CHST9: variants seen among roughly 807,000 people sequenced by gnomAD.
CHST9 encodes the protein carbohydrate sulfotransferase 9, also known as GalNAc-4-sulfotransferase 2.
In CHST9, 41 loss-of-function variants were observed where a neutral mutation model predicts 44.4. That is an observed-to-expected ratio of 0.92 (90% CI 0.72 to 1.20). The LOEUF (loss-of-function observed/expected upper bound fraction) is 1.20, where lower values mean the gene tolerates loss of function less well. Among genes scored for constraint, CHST9 ranks in the 50% most tolerant of loss-of-function variants. The pLI is 0.00. For synonymous variants in CHST9, 171 were observed against 178.4 expected, an observed-to-expected ratio of 0.96 and a Z score of 0.33; for missense variants, 504 against 516.5, an observed-to-expected ratio of 0.98 and a Z score of 0.23.
chr18:27,054,530 T>C (rs1160629196), intron 2 of CHST9, among the ~76,000 whole-genome samples: 1 of 152,184 alleles, frequency 6.6e-6, no homozygotes, highest in Non-Finnish European at 1.5e-5. Context: ...TCATGACTAT[T>C]TATCTATGTA....
intron 1 of CHST9, among the ~76,000 whole-genome samples, chr18:27,154,926 T>C (rs1254299735): frequency 6.6e-6 from 1 of 151,644 alleles, no homozygotes; most frequent in Non-Finnish European, 1.5e-5. Flanking sequence ...CTACTAAAAA[T>C]ACAAAAATTA....
chr18:27,148,024 C>A (rs1469382359), intron 1 of CHST9, among the ~76,000 whole-genome samples: 1 of 152,034 alleles, frequency 6.6e-6, no homozygotes, highest in East Asian at 1.9e-4. Context: ...CCAAATTCCA[C>A]CCTCTGATAG....
intron 1 of CHST9, among the ~76,000 whole-genome samples, chr18:27,177,608 C>G (rs1370003896): frequency 1.3e-5 from 2 of 151,920 alleles, no homozygotes; most frequent in Non-Finnish European, 2.9e-5. Flanking sequence ...TCTAACAGAG[C>G]CTTCTGAAAT....
intron 4 of CHST9, among the ~76,000 whole-genome samples, chr18:26,961,575 T>A (rs1447699819): frequency 6.6e-6 from 1 of 152,034 alleles, no homozygotes; most frequent in Non-Finnish European, 1.5e-5. Context: ...ACTAGAGGCA[T>A]GCGTCACTGC....
chr18:27,093,465 C>T (rs550666709), intron 2 of CHST9, among the ~76,000 whole-genome samples: 4 of 152,340 alleles, frequency 2.6e-5, no homozygotes, highest in Admixed American at 6.5e-5. Context: ...GATGCCCCTT[C>T]CCCAGCCAGG....
chr18:27,037,739 G>A (rs1212474779), intron 3 of CHST9, among the ~76,000 whole-genome samples: 1 of 151,776 alleles, frequency 6.6e-6, no homozygotes, highest in Non-Finnish European at 1.5e-5. Flanking sequence ...AATGCAAGCT[G>A]ATTGGAGACA....
intron 1 of CHST9, among the ~76,000 whole-genome samples, chr18:27,169,430 G>A (rs1170234749): frequency 6.6e-6 from 1 of 151,946 alleles, no homozygotes; most frequent in Non-Finnish European, 1.5e-5. Flanking sequence ...TATAAGAAAT[G>A]GCTAAATCCA....
At chr18:27,149,290 T>C (rs913119654) in intron 1 of CHST9, among the ~76,000 whole-genome samples, 1 of 151,940 alleles carries the variant, frequency 6.6e-6, no homozygotes, top group African/African-American at 2.4e-5. Context: ...TTTTAGCTTT[T>C]GTTGCCATTG....
At chr18:27,025,970 C>A (rs1339211999) in intron 3 of CHST9, among the ~76,000 whole-genome samples, 3 of 152,150 alleles carry the variant, frequency 2.0e-5, no homozygotes, top group Non-Finnish European at 4.4e-5. Flanking sequence ...TTCAAAAAAT[C>A]TGCTTCTTTA....
rs545138097 is a variant in CHST9, at chr18:26,907,356, G to C, written c.*8903C>G. ...AGGAGAAAGCAGGTTTGGGGGTTAG[G>C]TGATGAGTTCAGCTTTGGTCATGTT... On this transcript the variant is annotated 3_prime_UTR_variant, in exon 6 of 6. Coordinates refer to ENST00000618847, the MANE Select transcript of CHST9 (RefSeq NM_031422.6). 6.6e-6 allele frequency: 1 copy of C among 152,554 alleles called. No individual in the cohort carries two copies. Among genetic ancestry groups the C allele is most frequent in the South Asian group, 2.1e-4 (1 of 4,826 alleles). The allele number at this position is 152,554 out of a possible 1,614,324, so 9.5% of individuals were successfully genotyped here.
At chr18:27,089,962 C>G (rs1425407623) in intron 2 of CHST9, among the ~76,000 whole-genome samples, 1 of 152,118 alleles carries the variant, frequency 6.6e-6, no homozygotes, top group Non-Finnish European at 1.5e-5. Context: ...AGGTGCCCAC[C>G]ACCACGCCCG....
At chr18:27,109,109 C>G (rs1051755676) in intron 2 of CHST9, among the ~76,000 whole-genome samples, 1 of 152,102 alleles carries the variant, frequency 6.6e-6, no homozygotes, top group Non-Finnish European at 1.5e-5. Flanking sequence ...AAATTAGATG[C>G]CTGTTGTGTT....
At chr18:27,155,978 A>G (rs1227507788) in intron 1 of CHST9, among the ~76,000 whole-genome samples, 1 of 152,176 alleles carries the variant, frequency 6.6e-6, no homozygotes, top group Non-Finnish European at 1.5e-5. Context: ...GATATAAAAA[A>G]TAATTCAAAG....
At chr18:27,167,629 A>T (rs1364175005) in intron 1 of CHST9, among the ~76,000 whole-genome samples, 1 of 152,242 alleles carries the variant, frequency 6.6e-6, no homozygotes, top group Non-Finnish European at 1.5e-5. Context: ...GGTGAGCAGG[A>T]GAAAAGAAAG....
chr18:26,967,167 C>G (rs1203693873), intron 4 of CHST9, among the ~76,000 whole-genome samples: 1 of 152,128 alleles, frequency 6.6e-6, no homozygotes, highest in Non-Finnish European at 1.5e-5. Context: ...AAAAGGGTCA[C>G]TTCACCCTTA....
intron 2 of CHST9, among the ~76,000 whole-genome samples, chr18:27,058,619 A>T (rs907801532): frequency 1.3e-5 from 2 of 152,194 alleles, no homozygotes; most frequent in African/African-American, 4.8e-5. Flanking sequence ...CTAGCTAACC[A>T]CACATGGAGG....
chr18:27,015,070 C>T (rs1259082763), intron 4 of CHST9, among the ~76,000 whole-genome samples: 2 of 152,070 alleles, frequency 1.3e-5, no homozygotes, highest in African/African-American at 4.8e-5. Context: ...GAGCCTCTTC[C>T]TAAAACTAGG....
chr18:27,074,191 A>G (rs932929389), intron 2 of CHST9, among the ~76,000 whole-genome samples: 4 of 152,228 alleles, frequency 2.6e-5, no homozygotes, highest in African/African-American at 9.6e-5. Flanking sequence ...AAAGCGTGGA[A>G]GCAACTTTCT....
At chr18:27,159,307 AG>A (rs2058725735) in intron 1 of CHST9, among the ~76,000 whole-genome samples, 1 of 152,208 alleles carries the variant, frequency 6.6e-6, no homozygotes, top group African/African-American at 2.4e-5. Flanking sequence ...GAAGGGATCC[AG>A]TTTCAGCTTT....
Sources: gnomAD v4.1 joint callset for allele counts (sites outside exome capture counted in the v4.1 genomes callset) on GRCh38, gnomAD v4.1.1 for gene constraint, MANE v1.5 for transcripts, NCBI Gene and HGNC (gene_info 2026-07-23, HGNC 2026-07-21) for gene names.